The following ARID1B variants were observed in gnomAD, a reference collection of about 807,000 sequenced individuals.
ARID1B encodes the protein AT-rich interaction domain 1B, also known as AT-rich interactive domain-containing protein 1B.
Under a neutral mutation model 212.3 loss-of-function variants are expected in ARID1B, and 30 were observed. The observed-to-expected ratio is 0.14, with a 90% CI of 0.11 to 0.19. The LOEUF (loss-of-function observed/expected upper bound fraction) is 0.19, where lower values mean the gene tolerates loss of function less well. Among genes scored for constraint, ARID1B ranks in the 10% least tolerant of loss-of-function variants. The pLI is 1.00. For synonymous variants in ARID1B, 1,402 were observed against 1,301.7 expected (o/e 1.08, Z -1.66); for missense variants, 2,891 against 3,204.0 (o/e 0.90, Z 2.36).
chr6:157,202,123 A>C (rs1391966954), intron 18 of ARID1B, among the ~76,000 whole-genome samples: 1 of 152,258 alleles, frequency 6.6e-6, no homozygotes, highest in Non-Finnish European at 1.5e-5. Flanking sequence ...GATACATAGA[A>C]CTGATATCAT....
At chr6:156,846,424 C>G (rs983657257) in intron 2 of ARID1B, among the ~76,000 whole-genome samples, 1 of 151,876 alleles carries the variant, frequency 6.6e-6, no homozygotes, top group Non-Finnish European at 1.5e-5. Context: ...CTCGGCCTCC[C>G]AAAGTGCTGG....
rs61315445 is a variant in ARID1B, at chr6:156,804,867, C to CAAA, written c.1792-24340_1792-24338dup. Among the ~76,000 whole-genome samples the CAAA allele has an allele frequency of 4.7e-4, 40 of 85,050 alleles. 1 individual carries two copies. Among genetic ancestry groups the CAAA allele is most frequent in the South Asian group, 5.2e-4 (1 of 1,908 alleles). The allele number at this position is 85,050 out of a possible 152,430, so 55.8% of individuals were successfully genotyped here. A position where few individuals can be genotyped will look rare whatever the true frequency, so the allele number is the denominator to read the frequency against. On this transcript the variant is annotated intron_variant, in intron 1 of 19. Transcript: ENST00000636930. ...ACTAAGAGAGATGTGATCTGATTGG[C>CAAA]AAAAAAAAAAAAAAAAAAAAAAGAA...
intron 1 of ARID1B, among the ~76,000 whole-genome samples, chr6:156,806,603 C>A (rs1001735933): frequency 6.6e-6 from 1 of 152,032 alleles, no homozygotes; most frequent in Non-Finnish European, 1.5e-5. Context: ...GGTTAATATC[C>A]CTGTTTCGTG....
rs1234893556 is a variant in ARID1B, at chr6:156,778,178, GCACCACCACCACCACCATGCCCAC to G, written c.513_536del (p.His172_His179del). 5.2e-6 allele frequency: 8 copies of G among 1,540,208 alleles called. No individual in the cohort carries two copies. Among genetic ancestry groups the G allele is most frequent in the Non-Finnish European group, 6.1e-6 (7 of 1,145,846 alleles). On this transcript the variant is annotated inframe_deletion, in exon 1 of 20. Transcript: ENST00000636930. Reference sequence around the variant, plus strand: ...CCCCCGCCGCGCCGCCCCACCAGCAGCACCACCACCACCACCATGCCCACCACCACCACCACCATGCCCACCACC... The same window carrying G: ...CCCCCGCCGCGCCGCCCCACCAGCAGCACCACCACCACCATGCCCACCACC...
At chr6:156,849,315 T>C (rs1354091743) in intron 2 of ARID1B, among the ~76,000 whole-genome samples, 2 of 152,226 alleles carry the variant, frequency 1.3e-5, no homozygotes. Context: ...TTTTATATAC[T>C]AAATCATAGG....
intron 2 of ARID1B, among the ~76,000 whole-genome samples, chr6:156,854,671 G>A (rs1784797814): frequency 1.3e-5 from 2 of 152,228 alleles, no homozygotes; most frequent in African/African-American, 4.8e-5. Context: ...ACCCATCCCG[G>A]CCATCCTGCC....
At chr6:156,846,224 C>T (rs1406571848) in intron 2 of ARID1B, among the ~76,000 whole-genome samples, 2 of 151,960 alleles carry the variant, frequency 1.3e-5, no homozygotes, top group Non-Finnish European at 2.9e-5. Flanking sequence ...GCACAATCTC[C>T]GCTCACTGCA....
At chr6:157,059,788 G>A (rs1783223776) in intron 4 of ARID1B, among the ~76,000 whole-genome samples, 1 of 152,182 alleles carries the variant, frequency 6.6e-6, no homozygotes, top group Non-Finnish European at 1.5e-5. Context: ...TCCTGAATAT[G>A]AGTGATTATG....
In ARID1B at chr6:157,201,928, A is replaced by G. The variant is rs1794142820; in HGVS notation, c.5263+440A>G. 6.6e-6 allele frequency among the ~76,000 whole-genome samples: 1 copy of G among 152,232 alleles called. No homozygotes were observed. Among genetic ancestry groups the G allele is most frequent in the Non-Finnish European group, 1.5e-5 (1 of 68,042 alleles). ...CTTAACCAAGCCACTTAATCACTAC[A>G]ATACGTGCCTAACAGACCCCCCCAT... On this transcript the variant is annotated intron_variant, in intron 18 of 19. Coordinates refer to ENST00000636930, the MANE Select transcript of ARID1B (RefSeq NM_001374828.1). The surrounding 1 kb of genome is among the most constrained non-coding windows in gnomAD (Gnocchi z 5.2).
In ARID1B at chr6:157,013,208, C is replaced by T. The variant is rs182288574; in HGVS notation, c.2248-71454C>T. 4.7e-4 allele frequency among the ~76,000 whole-genome samples: 71 copies of T among 152,330 alleles called. No homozygotes were observed. In the South Asian group the frequency reaches 7.2e-3, roughly 16 times the overall value. On this transcript the variant is annotated intron_variant, in intron 4 of 19. Transcript: ENST00000636930. ...TGAAGTTTTGAACTTGCCATTTTGC[C>T]GCTCTAGTGCTGCCTAAGGCACTTT...
intron 11 of ARID1B, chr6:157,175,500 A>G (rs1416944792): frequency 6.6e-6 from 1 of 152,238 alleles, no homozygotes; most frequent in African/African-American, 2.4e-5. Flanking sequence ...TTAGTGTAAC[A>G]TCAGCCCTGC....
intron 4 of ARID1B, among the ~76,000 whole-genome samples, chr6:157,014,036 C>T (rs1054174213): frequency 1.1e-4 from 17 of 152,098 alleles, no homozygotes; most frequent in African/African-American, 4.8e-5. Context: ...GGTGACTCAG[C>T]GTATAAACCT....
chr6:156,812,214 C>T (rs1317285775), intron 1 of ARID1B, among the ~76,000 whole-genome samples: 3 of 152,206 alleles, frequency 2.0e-5, no homozygotes, highest in Non-Finnish European at 4.4e-5. Context: ...TCATTGCAGC[C>T]TCAACCTCCC....
At chr6:157,048,401 G>A (rs1173288652) in intron 4 of ARID1B, among the ~76,000 whole-genome samples, 2 of 152,188 alleles carry the variant, frequency 1.3e-5, no homozygotes, top group Non-Finnish European at 2.9e-5. Context: ...CATCCTGTGG[G>A]TCCATTTGCA....
Position 157,174,897 on chromosome 6 carries a change from GC to G in ARID1B, c.3398del (p.Pro1133GlnfsTer120). 6.4e-7 allele frequency: 1 copy of G among 1,551,466 alleles called. No individual in the cohort carries two copies. The highest frequency in any genetic ancestry group is 1.2e-5 in the South Asian group (1 of 83,392). On this transcript the variant is annotated frameshift_variant, in exon 11 of 20. Coordinates refer to ENST00000636930, the MANE Select transcript of ARID1B (RefSeq NM_001374828.1). LOFTEE classifies it high-confidence loss of function. ...CTCAGCCCCCAACCCCAGGCAACCT[GC>G]CAGTCCCTTCCCCAATGTCCCCCAG... ...ISQPPTPGNL[P>X]VPSPMSPSSA...
chr6:157,150,663 A>G (rs1396197868), intron 8 of ARID1B: 1 of 172,868 alleles, frequency 5.8e-6, no homozygotes, highest in Admixed American at 6.4e-5. Context: ...TGACAGATAT[A>G]CAGGGCTCAT....
intron 4 of ARID1B, among the ~76,000 whole-genome samples, chr6:157,012,278 G>C (rs1257245129): frequency 6.6e-6 from 1 of 152,174 alleles, no homozygotes; most frequent in Non-Finnish European, 1.5e-5. Context: ...CGTAATAATT[G>C]TGTTTAATTT....
At chr6:156,812,912 A>T (rs1781651103) in intron 1 of ARID1B, among the ~76,000 whole-genome samples, 1 of 146,664 alleles carries the variant, frequency 6.8e-6, no homozygotes, top group South Asian at 2.1e-4. Flanking sequence ...TTTCTTTTCC[A>T]AATAGAAAAT....
chr6:157,148,495 A>G lies in ARID1B; in HGVS notation c.2762-129A>G. ...GAGACTGGCAGCTGCACCAGCAGCA[A>G]CAGGAAGGGCCTATAACGGTCATGA... On this transcript the variant is annotated intron_variant, in intron 7 of 19. Coordinates refer to ENST00000636930, the MANE Select transcript of ARID1B (RefSeq NM_001374828.1). This position sits in a 1 kb window ranked among gnomAD's most constrained non-coding sequence, Gnocchi z 5.6. 1.0e-6 allele frequency: 1 copy of G among 1,003,896 alleles called. No individual in the cohort carries two copies. The allele number at this position is 1,003,896 out of a possible 1,614,324, so 62.2% of individuals were successfully genotyped here. A position where few individuals can be genotyped will look rare whatever the true frequency, so the allele number is the denominator to read the frequency against.
Sources: allele counts gnomAD v4.1 joint callset (sites outside exome capture counted in the v4.1 genomes callset), GRCh38; gene constraint gnomAD v4.1.1; non-coding constraint Gnocchi (gnomAD v3.1); transcripts MANE v1.5; gene names NCBI Gene and HGNC (gene_info 2026-07-23, HGNC 2026-07-21).